Variants in ZCCHC14 observed in about 807,000 individuals in gnomAD.
The protein encoded by ZCCHC14 is zinc finger CCHC-type containing 14, also known as zinc finger CCHC domain-containing protein 14.
In ZCCHC14, 16 loss-of-function variants were observed where a neutral mutation model predicts 85.0. The observed-to-expected ratio is 0.19, with a 90% CI of 0.13 to 0.29. The LOEUF (loss-of-function observed/expected upper bound fraction) is 0.29, where lower values mean the gene tolerates loss of function less well. Ranked by LOEUF, ZCCHC14 falls within the 10% of genes least tolerant of loss-of-function variation. The pLI is 1.00. For missense variants in ZCCHC14, 1,303 were observed against 1,443.5 expected, an observed-to-expected ratio of 0.90 and a Z score of 1.58; for synonymous variants, 775 against 630.7, an observed-to-expected ratio of 1.23 and a Z score of -3.43.
At chr16:87,452,594 G>T (rs1343122736) in intron 2 of ZCCHC14, among the ~76,000 whole-genome samples, 1 of 152,182 alleles carries the variant, frequency 6.6e-6, no homozygotes, top group African/African-American at 2.4e-5. Flanking sequence ...GGAAAGCCAG[G>T]CAAGGGTGTT....
chr16:87,469,999 G>C (rs571871357), intron 1 of ZCCHC14, among the ~76,000 whole-genome samples: 97 of 152,312 alleles, frequency 6.4e-4, no homozygotes, highest in South Asian at 2.9e-3. Context: ...CAGCACTTTG[G>C]GGGGCTGAGG....
intron 7 of ZCCHC14, 21 bp from the exon 8 acceptor site, chr16:87,417,763 G>A (rs1194963485): frequency 1.3e-6 from 2 of 1,552,272 alleles, no homozygotes; most frequent in Non-Finnish European, 1.7e-6. Context: ...GGGGCAGGAG[G>A]GACACAGAGA....
intron 3 of ZCCHC14, 28 bp from the exon 4 acceptor site, chr16:87,423,909 T>C (rs1254887187): frequency 2.5e-6 from 4 of 1,608,766 alleles, no homozygotes; most frequent in Admixed American, 1.7e-5. Flanking sequence ...AAACAAACCT[T>C]AGAAACAGAC....
In ZCCHC14 at chr16:87,488,859, T is replaced by C. The variant is rs141195311; in HGVS notation, c.570+2810A>G. ...TCCCAAACTTCCGGGACTACAGGCG[T>C]AAGCCACCTTGCCAGGCCAAGAAAT... On this transcript the variant is annotated intron_variant, in intron 1 of 12. Coordinates refer to ENST00000671377, the MANE Select transcript of ZCCHC14 (RefSeq NM_015144.3). 1.8e-3 allele frequency among the ~76,000 whole-genome samples: 278 copies of C among 152,318 alleles called. 2 individuals carry two copies. Among genetic ancestry groups the C allele is most frequent in the African/African-American group, 6.4e-3 (268 of 41,568 alleles).
chr16:87,489,585 C>CT (rs1567547837), intron 1 of ZCCHC14, among the ~76,000 whole-genome samples: 1 of 152,162 alleles, frequency 6.6e-6, no homozygotes, highest in Non-Finnish European at 1.5e-5. Flanking sequence ...GTTACATCCC[C>CT]TCCACTGCAA....
chr16:87,415,431 C>T (rs1908731698), intron 8 of ZCCHC14, 64 bp from the exon 9 acceptor site: 9 of 1,424,202 alleles, frequency 6.3e-6, no homozygotes, highest in Middle Eastern at 3.5e-4. Context: ...GAACAAAGAA[C>T]TTGGAGTTGA....
At chr16:87,448,465 G>A (rs903421978) in intron 2 of ZCCHC14, among the ~76,000 whole-genome samples, 9 of 152,226 alleles carry the variant, frequency 5.9e-5, no homozygotes, top group Non-Finnish European at 7.4e-5. Flanking sequence ...GAAGACTCAC[G>A]AGGCCGTTTT....
intron 2 of ZCCHC14, among the ~76,000 whole-genome samples, chr16:87,439,500 G>T (rs1041353829): frequency 2.6e-5 from 4 of 152,164 alleles, no homozygotes; most frequent in African/African-American, 9.7e-5. Flanking sequence ...GACCAAGTGC[G>T]ATTTCCAAAG....
intron 2 of ZCCHC14, among the ~76,000 whole-genome samples, chr16:87,456,164 C>T (rs559167191): frequency 6.6e-6 from 1 of 152,308 alleles, no homozygotes; most frequent in East Asian, 1.9e-4. Context: ...ACTATCAAGG[C>T]TTCTCGATTT....
chr16:87,483,017 C>T (rs1230858826), intron 1 of ZCCHC14, among the ~76,000 whole-genome samples: 1 of 150,878 alleles, frequency 6.6e-6, no homozygotes, highest in Non-Finnish European at 1.5e-5. Flanking sequence ...GAAGCCATAC[C>T]AAAAAGGACT....
At chr16:87,487,834 A>T (rs1357752520) in intron 1 of ZCCHC14, among the ~76,000 whole-genome samples, 2 of 152,304 alleles carry the variant, frequency 1.3e-5, no homozygotes, top group East Asian at 3.9e-4. Context: ...ACACACCCAC[A>T]GCATGGACGG....
At chr16:87,460,556 G>A (rs1290603697) in intron 1 of ZCCHC14, among the ~76,000 whole-genome samples, 1 of 152,164 alleles carries the variant, frequency 6.6e-6, no homozygotes, top group Non-Finnish European at 1.5e-5. Flanking sequence ...CAGGCGTGAT[G>A]GCAAGTGCCT....
intron 2 of ZCCHC14, among the ~76,000 whole-genome samples, chr16:87,457,991 C>G (rs1030260220): frequency 1.3e-5 from 2 of 152,092 alleles, no homozygotes; most frequent in African/African-American, 2.4e-5. Flanking sequence ...CGCCAGCCTA[C>G]GCAGGCTTTG....
At chr16:87,458,632 G>A (rs988168855) in intron 2 of ZCCHC14, among the ~76,000 whole-genome samples, 1 of 152,214 alleles carries the variant, frequency 6.6e-6, no homozygotes, top group African/African-American at 2.4e-5. Context: ...GGCGTTGTCA[G>A]AACGGGACTT....
intron 2 of ZCCHC14, among the ~76,000 whole-genome samples, chr16:87,452,134 C>G (rs1881890918): frequency 6.6e-6 from 1 of 152,196 alleles, no homozygotes; most frequent in South Asian, 2.1e-4. Flanking sequence ...CAGAGGGACC[C>G]ACAAAGTGAC....
intron 2 of ZCCHC14, among the ~76,000 whole-genome samples, chr16:87,451,164 T>C (rs1910680826): frequency 1.3e-5 from 2 of 150,936 alleles, no homozygotes; most frequent in Admixed American, 6.6e-5. Flanking sequence ...CCTCCCAAAG[T>C]GCTGGGATTA....
chr16:87,414,690 C>T lies in ZCCHC14; in HGVS notation c.1476-149G>A, dbSNP rs530544599. 8.9e-5 allele frequency: 102 copies of T among 1,140,960 alleles called. No homozygotes were observed. In the Middle Eastern group the frequency reaches 3.7e-3, roughly 42 times the overall value. The allele number at this position is 1,140,960 out of a possible 1,614,324, so 70.7% of individuals were successfully genotyped here. On this transcript the variant is annotated intron_variant, in intron 9 of 12. Coordinates refer to ENST00000671377, the MANE Select transcript of ZCCHC14 (RefSeq NM_015144.3). ...GTCTACTCCACACCACAGGGAAATT[C>T]CCCCCAGAGCATTAAGGCAAGGAAC...
At chr16:87,487,047 G>T (rs1912542216) in intron 1 of ZCCHC14, among the ~76,000 whole-genome samples, 1 of 152,208 alleles carries the variant, frequency 6.6e-6, no homozygotes, top group Non-Finnish European at 1.5e-5. Context: ...TTTCACCTCT[G>T]AACTGCAATG....
rs1166025768 is a variant in ZCCHC14 at position 87,491,460 on chromosome 16, G to A, written c.570+209C>T. 6.6e-6 allele frequency among the ~76,000 whole-genome samples: 1 copy of A among 152,006 alleles called. No individual in the cohort carries two copies. The highest frequency in any genetic ancestry group is 1.5e-5 in the Non-Finnish European group (1 of 67,996). On this transcript the variant is annotated intron_variant, in intron 1 of 12. Coordinates refer to ENST00000671377, the MANE Select transcript of ZCCHC14 (RefSeq NM_015144.3). This position sits in a 1 kb window ranked among gnomAD's most constrained non-coding sequence, Gnocchi z 5.9. ...GTACGGTGGAGGCTTGGAGAGGTGGGGCACACATTTGGGGTGCGACATAGA... is the reference window on the plus strand; with the variant it reads ...GTACGGTGGAGGCTTGGAGAGGTGGAGCACACATTTGGGGTGCGACATAGA...
Sources: allele counts gnomAD v4.1 joint callset (sites outside exome capture counted in the v4.1 genomes callset), GRCh38; gene constraint gnomAD v4.1.1; non-coding constraint Gnocchi (gnomAD v3.1); transcripts MANE v1.5; gene names NCBI Gene and HGNC (gene_info 2026-07-23, HGNC 2026-07-21).